Variants in ADGRL3 observed in about 807,000 individuals in gnomAD.
The protein encoded by ADGRL3 is adhesion G protein-coupled receptor L3.
A neutral mutation model predicts 153.5 loss-of-function variants in ADGRL3; 62 were observed. The observed-to-expected ratio is 0.40, with a 90% CI of 0.33 to 0.50. The LOEUF (loss-of-function observed/expected upper bound fraction) is 0.50. Among genes scored for constraint, ADGRL3 ranks in the 20% least tolerant of loss-of-function variants. The pLI is 0.47. For missense variants in ADGRL3, 1,641 were observed against 1,859.4 expected (o/e 0.88, Z 2.16); for synonymous variants, 710 against 672.5 (o/e 1.06, Z -0.86).
At chr4:61,571,047 A>G (rs1333747371) in intron 4 of ADGRL3, among the ~76,000 whole-genome samples, 1 of 152,110 alleles carries the variant, frequency 6.6e-6, no homozygotes, top group Non-Finnish European at 1.5e-5. Flanking sequence ...GGTTATCTCA[A>G]AAGATATTTG....
At chr4:61,455,916 A>G (rs1302882732) in intron 2 of ADGRL3, among the ~76,000 whole-genome samples, 3 of 152,064 alleles carry the variant, frequency 2.0e-5, no homozygotes, top group South Asian at 4.1e-4. Flanking sequence ...CCTGGGTTCA[A>G]GTGATTCTCC....
At chr4:61,258,948 A>G (rs1197534859) in intron 1 of ADGRL3, among the ~76,000 whole-genome samples, 1 of 152,190 alleles carries the variant, frequency 6.6e-6, no homozygotes, top group Admixed American at 6.5e-5. Flanking sequence ...AAATAAGAAG[A>G]TACTAATTTG....
In ADGRL3 at chr4:61,381,293, TTGTGTGTGTGTGTG is replaced by T. The variant is rs55767359; in HGVS notation, c.-239-1803_-239-1790del. 5.1e-3 allele frequency among the ~76,000 whole-genome samples: 724 copies of T among 141,464 alleles called. 11 individuals carry two copies. Among genetic ancestry groups the T allele is most frequent in the African/African-American group, 0.018 (676 of 37,626 alleles). 92.8% of individuals were successfully genotyped at this position (141,464 alleles called of 152,430 possible). On this transcript the variant is annotated intron_variant, in intron 1 of 26. Transcript: ENST00000683033. ...TACAGACAGTTTCCAATAAACAAGTTTGTGTGTGTGTGTGTGTGTGTGTGTGTGTGTGTGTGTGT... is the reference window on the plus strand; with the variant it reads ...TACAGACAGTTTCCAATAAACAAGTTTGTGTGTGTGTGTGTGTGTGTGTGT...
intron 6 of ADGRL3, among the ~76,000 whole-genome samples, chr4:61,703,509 A>C (rs1223414656): frequency 6.6e-6 from 1 of 152,186 alleles, no homozygotes; most frequent in African/African-American, 2.4e-5. Flanking sequence ...CTGGTTAAAA[A>C]TATGTAAGAA....
At chr4:61,228,849 ACC>A in intron 1 of ADGRL3, among the ~76,000 whole-genome samples, 1 of 151,788 alleles carries the variant, frequency 6.6e-6, no homozygotes, top group South Asian at 2.1e-4. Context: ...CTGCCACCAT[ACC>A]CTGCTGATTT....
intron 2 of ADGRL3, among the ~76,000 whole-genome samples, chr4:61,483,630 G>A (rs971540282): frequency 4.6e-5 from 7 of 151,884 alleles, no homozygotes; most frequent in Non-Finnish European, 7.4e-5. Context: ...CCAGCTACTC[G>A]GGAGGCTGAG....
At chr4:61,783,902 CATTAG>C (rs1390952957) in intron 8 of ADGRL3, among the ~76,000 whole-genome samples, 2 of 151,986 alleles carry the variant, frequency 1.3e-5, no homozygotes, top group African/African-American at 4.8e-5. Context: ...ATGTGGACTA[CATTAG>C]ATTAGGTTAA....
At chr4:61,210,492 A>G (rs1168918878) in intron 1 of ADGRL3, among the ~76,000 whole-genome samples, 1 of 151,888 alleles carries the variant, frequency 6.6e-6, no homozygotes, top group Non-Finnish European at 1.5e-5. Context: ...ATTGACGCTG[A>G]CCCTGTAAGA....
At chr4:61,566,027 G>A (rs2098814891) in intron 4 of ADGRL3, among the ~76,000 whole-genome samples, 1 of 152,142 alleles carries the variant, frequency 6.6e-6, no homozygotes, top group African/African-American at 2.4e-5. Flanking sequence ...TCGATTCAAG[G>A]AAAGGTGGGT....
intron 25 of ADGRL3, among the ~76,000 whole-genome samples, chr4:62,051,315 AT>A (rs1303543671): frequency 6.6e-6 from 1 of 151,502 alleles, no homozygotes; most frequent in East Asian, 1.9e-4. Context: ...ATAGGCTCAG[AT>A]TTTTTAAGTG....
rs114442283 is a variant in ADGRL3, at chr4:61,379,069, G to A, written c.-239-4055G>A. ...GATGAGGATTATGATATTGGAAATA[G>A]AGATGAAAAAACAATCTGAACACTA... is the stretch of plus-strand genomic sequence containing the variant. On this transcript the variant is annotated intron_variant, in intron 1 of 26. Transcript: ENST00000683033. 4.6e-3 allele frequency among the ~76,000 whole-genome samples: 705 copies of A among 152,004 alleles called. 6 individuals are homozygous for A. Among genetic ancestry groups the A allele is most frequent in the African/African-American group, 0.016 (674 of 41,498 alleles).
chr4:61,906,874 A>G (rs2098698253), intron 11 of ADGRL3, among the ~76,000 whole-genome samples: 1 of 152,128 alleles, frequency 6.6e-6, no homozygotes, highest in East Asian at 1.9e-4. Context: ...ATGATAATCG[A>G]TAACCTACCT....
chr4:62,036,075 A>C (rs1724826242), intron 23 of ADGRL3, among the ~76,000 whole-genome samples: 1 of 152,124 alleles, frequency 6.6e-6, no homozygotes, highest in Admixed American at 6.6e-5. Flanking sequence ...AACACTAAAC[A>C]AAAATAATTA....
chr4:61,296,283 G>A (rs959244953), intron 1 of ADGRL3, among the ~76,000 whole-genome samples: 5 of 151,860 alleles, frequency 3.3e-5, no homozygotes, highest in African/African-American at 1.2e-4. Flanking sequence ...AACTTGACAG[G>A]TTGAGAGTCA....
intron 1 of ADGRL3, among the ~76,000 whole-genome samples, chr4:61,278,336 T>C (rs939390543): frequency 9.9e-5 from 15 of 152,184 alleles, no homozygotes; most frequent in African/African-American, 3.6e-4. Context: ...CCTGGAGTTT[T>C]GAGCAAAAAT....
At chr4:61,318,220 A>AACACACACACAC (rs140779579) in intron 1 of ADGRL3, among the ~76,000 whole-genome samples, 1 of 145,706 alleles carries the variant, frequency 6.9e-6, no homozygotes, top group African/African-American at 2.6e-5. Context: ...AAAAACACAA[A>AACACACACACAC]ACACACACAC....
chr4:61,756,531 G>A (rs1260356957), intron 8 of ADGRL3, among the ~76,000 whole-genome samples: 1 of 152,072 alleles, frequency 6.6e-6, no homozygotes, highest in Non-Finnish European at 1.5e-5. Flanking sequence ...TGAGACGATG[G>A]GGTTTTCTAG....
chr4:61,263,574 G>T (rs1323122117), intron 1 of ADGRL3, among the ~76,000 whole-genome samples: 1 of 151,856 alleles, frequency 6.6e-6, no homozygotes, highest in Non-Finnish European at 1.5e-5. Flanking sequence ...CATTTCAATA[G>T]AATGTCTCTG....
rs552956454 is a variant in ADGRL3, at chr4:61,290,460, A to G, written c.-240+88695A>G. Among the ~76,000 whole-genome samples, 17 of 152,130 alleles carry G rather than the reference A, an allele frequency of 1.1e-4. No homozygotes were observed. The East Asian group carries it at 2.5e-3, about 23-fold the overall frequency. ...ATGTTTAAGCACATGTGCACACACA[A>G]TGGTAAGGAAGATAAGGATAACATT... On this transcript the variant is annotated intron_variant, in intron 1 of 26. Coordinates refer to ENST00000683033, the MANE Select transcript of ADGRL3 (RefSeq NM_001387552.1).
Sources: gnomAD v4.1 joint callset for allele counts (sites outside exome capture counted in the v4.1 genomes callset) on GRCh38, gnomAD v4.1.1 for gene constraint, MANE v1.5 for transcripts, NCBI Gene and HGNC (gene_info 2026-07-23, HGNC 2026-07-21) for gene names.